The following PCDH7 variants were observed in gnomAD, a reference collection of about 807,000 sequenced individuals.
PCDH7 encodes the protein protocadherin-7.
PCDH7 carries 17 observed loss-of-function variants against 58.9 expected under a neutral mutation model. The observed-to-expected ratio is 0.29, with a 90% CI of 0.20 to 0.43. The LOEUF (loss-of-function observed/expected upper bound fraction) is 0.43, where lower values mean the gene tolerates loss of function less well. PCDH7 is among the 20% of genes least tolerant of loss of function. The pLI, the probability that PCDH7 is intolerant of heterozygous loss-of-function variation, is 1.00. For synonymous variants in PCDH7, 664 were observed against 616.4 expected, an observed-to-expected ratio of 1.08 and a Z score of -1.14; for missense variants, 1,274 against 1,441.0, an observed-to-expected ratio of 0.88 and a Z score of 1.88.
At chr4:31,139,174 T>C (rs1719963598) in intron 3 of PCDH7, among the ~76,000 whole-genome samples, 1 of 152,102 alleles carries the variant, frequency 6.6e-6, no homozygotes, top group Non-Finnish European at 1.5e-5. Flanking sequence ...TCCAGTCTTC[T>C]CAAGGTTTGA....
At chr4:31,052,447 A>G (rs927744430) in intron 3 of PCDH7, among the ~76,000 whole-genome samples, 1 of 152,150 alleles carries the variant, frequency 6.6e-6, no homozygotes, top group East Asian at 1.9e-4. Context: ...AGTTTTATTG[A>G]GAGGTGGTAG....
At chr4:30,826,717 A>T (rs1729130074) in intron 1 of PCDH7, among the ~76,000 whole-genome samples, 1 of 151,962 alleles carries the variant, frequency 6.6e-6, no homozygotes, top group South Asian at 2.1e-4. Flanking sequence ...GATTACCCTC[A>T]GGAAATTTTT....
chr4:31,142,466 A>T lies in PCDH7; in HGVS notation c.*8-7A>T. The T allele has an allele frequency of 7.3e-7, 1 of 1,364,442 alleles. No individual in the cohort carries two copies. Among genetic ancestry groups the T allele is most frequent in the Non-Finnish European group, 9.8e-7 (1 of 1,020,252 alleles). 84.5% of individuals were successfully genotyped at this position (1,364,442 alleles called of 1,614,324 possible). A position where few individuals can be genotyped will look rare whatever the true frequency, so the allele number is the denominator to read the frequency against. Reference sequence around the variant, plus strand: ...AATACTAATGGCTTATTCTCCTTGGATTTCAGATTCAAGGCCTCTTCCAGA... The same window carrying T: ...AATACTAATGGCTTATTCTCCTTGGTTTTCAGATTCAAGGCCTCTTCCAGA... On this transcript the variant is annotated splice_polypyrimidine_tract_variant and splice_region_variant and intron_variant, in intron 3 of 3. Coordinates refer to the PCDH7 transcript ENST00000509759.
At chr4:31,122,774 C>G (rs1460703528) in intron 3 of PCDH7, among the ~76,000 whole-genome samples, 1 of 151,014 alleles carries the variant, frequency 6.6e-6, no homozygotes, top group Non-Finnish European at 1.5e-5. Flanking sequence ...AAATATGATT[C>G]GAAAATATAT....
intron 3 of PCDH7, among the ~76,000 whole-genome samples, chr4:31,092,446 T>C (rs1713378526): frequency 6.6e-6 from 1 of 151,990 alleles, no homozygotes; most frequent in African/African-American, 2.4e-5. Context: ...CTATTTGTTG[T>C]ATTAAAATCT....
chr4:30,866,691 C>T (rs1734921972), intron 1 of PCDH7, among the ~76,000 whole-genome samples: 2 of 147,978 alleles, frequency 1.4e-5, no homozygotes, highest in South Asian at 4.2e-4. Flanking sequence ...CAAATAGAAT[C>T]TCTGGCAAAA....
intron 1 of PCDH7, among the ~76,000 whole-genome samples, chr4:30,891,358 G>C (rs950206934): frequency 1.3e-5 from 2 of 152,044 alleles, no homozygotes; most frequent in Admixed American, 6.6e-5. Context: ...AATCTCGATA[G>C]AGATGCTGTA....
chr4:31,016,686 C>A (rs369384977), intron 3 of PCDH7, among the ~76,000 whole-genome samples: 1 of 152,066 alleles, frequency 6.6e-6, no homozygotes, highest in Admixed American at 6.6e-5. Flanking sequence ...GACAAAATAA[C>A]CCTGGAATCC....
intron 3 of PCDH7, among the ~76,000 whole-genome samples, chr4:31,075,617 C>A (rs1342594385): frequency 6.6e-6 from 1 of 152,274 alleles, no homozygotes; most frequent in African/African-American, 2.4e-5. Flanking sequence ...ACCCTCAAGA[C>A]ATGGGCCTAG....
chr4:30,848,330 T>C (rs892903685), intron 1 of PCDH7, among the ~76,000 whole-genome samples: 1 of 152,070 alleles, frequency 6.6e-6, no homozygotes, highest in African/African-American at 2.4e-5. Context: ...AAAACAAAAA[T>C]AGTTGAGGTA....
At chr4:30,921,551 A>T (rs182590625) in intron 2 of PCDH7, among the ~76,000 whole-genome samples, 218 of 152,266 alleles carry the variant, frequency 1.4e-3, no homozygotes, top group African/African-American at 5.1e-3. Flanking sequence ...ATAATTATTT[A>T]TCCACATTGT....
In PCDH7 at chr4:30,952,061, T is replaced by C. The variant is rs368886727; in HGVS notation, c.*7+1846T>C. ...CTCTATTCTGTTTTTATTCCCTACT[T>C]AGCTTGTTGCTCTTGGCCATTATTA... On this transcript the variant is annotated intron_variant, in intron 3 of 3. Transcript: ENST00000509759. Among the ~76,000 whole-genome samples the C allele has an allele frequency of 4.6e-5, 7 of 152,184 alleles. No homozygotes were observed. The East Asian group carries it at 1.2e-3, about 25-fold the overall frequency.
At chr4:30,922,902 A>G (rs1274913563) in intron 2 of PCDH7, among the ~76,000 whole-genome samples, 2 of 152,148 alleles carry the variant, frequency 1.3e-5, no homozygotes, top group East Asian at 1.9e-4. Context: ...CAGACTACTC[A>G]TCTAGCCATA....
At chr4:30,766,604 T>C (rs563223031) in intron 1 of PCDH7, among the ~76,000 whole-genome samples, 9 of 152,018 alleles carry the variant, frequency 5.9e-5, no homozygotes, top group African/African-American at 1.9e-4. Context: ...CATCATATAA[T>C]AATGTGTTCT....
intron 3 of PCDH7, among the ~76,000 whole-genome samples, chr4:31,055,862 A>G (rs893085090): frequency 1.3e-5 from 2 of 152,042 alleles, no homozygotes; most frequent in African/African-American, 4.8e-5. Context: ...CAGGCCATAT[A>G]AAGGCACCTG....
Position 30,800,079 on chromosome 4 carries a change from C to T in PCDH7, c.70+75483C>T, listed in dbSNP as rs376498709. On this transcript the variant is annotated intron_variant, in intron 1 of 3. Coordinates refer to the PCDH7 transcript ENST00000509759. Reference sequence around the variant, plus strand: ...TTCATTATGTTGGGCAGACCGGTCTCGAACTCCTGACCTCATGATCTGCCC... The same window carrying T: ...TTCATTATGTTGGGCAGACCGGTCTTGAACTCCTGACCTCATGATCTGCCC... Among the ~76,000 whole-genome samples, 24 of 151,742 alleles carry T rather than the reference C, an allele frequency of 1.6e-4. No homozygotes were observed. The South Asian group carries it at 5.0e-3, about 32-fold the overall frequency.
chr4:30,951,408 C>T (rs1013016532), intron 3 of PCDH7, among the ~76,000 whole-genome samples: 1 of 152,118 alleles, frequency 6.6e-6, no homozygotes, highest in Non-Finnish European at 1.5e-5. Flanking sequence ...AAGCTCTGAT[C>T]ATTGAGTATC....
chr4:30,919,268 G>C (rs1560500765), intron 1 of PCDH7, among the ~76,000 whole-genome samples: 1 of 151,766 alleles, frequency 6.6e-6, no homozygotes, highest in Non-Finnish European at 1.5e-5. Flanking sequence ...CATGGCATTG[G>C]TTTGTTCCTT....
intron 3 of PCDH7, among the ~76,000 whole-genome samples, chr4:31,005,834 C>G (rs1256937845): frequency 6.6e-6 from 1 of 152,078 alleles, no homozygotes; most frequent in Admixed American, 6.6e-5. Flanking sequence ...CGTTTTATAG[C>G]CCACTTCTAT....
Sources: allele counts gnomAD v4.1 joint callset (sites outside exome capture counted in the v4.1 genomes callset), GRCh38; gene constraint gnomAD v4.1.1; transcripts MANE v1.5; gene names NCBI Gene and HGNC (gene_info 2026-07-23, HGNC 2026-07-21).